CHN2: variants seen among roughly 807,000 people sequenced by gnomAD.
CHN2 encodes chimerin 2.
Under a neutral mutation model 56.3 loss-of-function variants are expected in CHN2, and 35 were observed. That is an observed-to-expected ratio of 0.62 (90% confidence interval 0.47 to 0.82). CHN2 has a LOEUF of 0.82. Ranked by LOEUF, CHN2 falls within the 40% of genes least tolerant of loss-of-function variation. CHN2 has a pLI of 0.00. For synonymous variants in CHN2, 210 were observed against 212.8 expected, an observed-to-expected ratio of 0.99 and a Z score of 0.12; for missense variants, 491 against 580.5, an observed-to-expected ratio of 0.85 and a Z score of 1.58.
chr7:29,248,793 T>A (rs1174999603), intron 1 of CHN2, among the ~76,000 whole-genome samples: 1 of 152,146 alleles, frequency 6.6e-6, no homozygotes, highest in Non-Finnish European at 1.5e-5. Context: ...CACCAGTAAG[T>A]TGGGTGCTGG....
chr7:29,346,353 CA>C (rs1200039189), intron 1 of CHN2, among the ~76,000 whole-genome samples: 2 of 152,210 alleles, frequency 1.3e-5, no homozygotes, highest in African/African-American at 4.8e-5. Context: ...ATTTGGATCC[CA>C]ACCCATTCTG....
intron 7 of CHN2, among the ~76,000 whole-genome samples, chr7:29,482,499 T>A (rs1252039502): frequency 6.6e-6 from 1 of 152,040 alleles, no homozygotes; most frequent in Admixed American, 6.5e-5. Flanking sequence ...AGGCTATAAA[T>A]ACAGTGGCAG....
At chr7:29,385,610 C>T (rs1800856355) in intron 3 of CHN2, among the ~76,000 whole-genome samples, 1 of 152,164 alleles carries the variant, frequency 6.6e-6, no homozygotes, top group Admixed American at 6.5e-5. Context: ...GTAGGTTTGA[C>T]CACGTGGCAC....
intron 6 of CHN2, among the ~76,000 whole-genome samples, chr7:29,469,012 C>T (rs761305835): frequency 2.6e-5 from 4 of 152,140 alleles, no homozygotes; most frequent in Admixed American, 6.5e-5. Context: ...TGTTCCTATA[C>T]CCAAAATGGA....
chr7:29,183,251 A>G (rs1798295358), intron 2 of CHN2, among the ~76,000 whole-genome samples: 1 of 151,808 alleles, frequency 6.6e-6, no homozygotes, highest in Non-Finnish European at 1.5e-5. Context: ...TGACTGGCTA[A>G]TTTTGTATTT....
intron 12 of CHN2, among the ~76,000 whole-genome samples, chr7:29,510,091 G>A (rs1038313065): frequency 3.3e-5 from 5 of 152,102 alleles, no homozygotes; most frequent in Non-Finnish European, 7.4e-5. Flanking sequence ...GAGACTGCCT[G>A]CCTCCTGGGA....
chr7:29,293,275 C>T lies in CHN2; in HGVS notation c.50-61350C>T, dbSNP rs571429787. Among the ~76,000 whole-genome samples, 7 of 151,998 alleles carry T rather than the reference C, an allele frequency of 4.6e-5. No individual in the cohort carries two copies. In the South Asian group the frequency reaches 1.0e-3, roughly 23 times the overall value. On this transcript the variant is annotated intron_variant, in intron 1 of 12. Transcript: ENST00000222792. Reference sequence around the variant, plus strand: ...CTGCTGACAATGGCCCCTTCTCCCTCCTGCATCCTCGATTTTCCCCTGAAT... The same window carrying T: ...CTGCTGACAATGGCCCCTTCTCCCTTCTGCATCCTCGATTTTCCCCTGAAT...
chr7:29,445,048 T>G, intron 6 of CHN2: 7 of 445,740 alleles, frequency 1.6e-5, no homozygotes, highest in South Asian at 1.1e-4. Context: ...TACGCAAAAT[T>G]CTCTCCCATT....
intron 1 of CHN2, among the ~76,000 whole-genome samples, chr7:29,297,151 A>G (rs1250471211): frequency 6.6e-6 from 1 of 152,246 alleles, no homozygotes; most frequent in African/African-American, 2.4e-5. Flanking sequence ...AGGGACCCTC[A>G]GCGGAGCAAG....
intron 2 of CHN2, among the ~76,000 whole-genome samples, chr7:29,174,450 C>T (rs981935825): frequency 3.3e-5 from 5 of 152,152 alleles, no homozygotes; most frequent in Non-Finnish European, 5.9e-5. Context: ...GGGACAGGAA[C>T]CTGTCCAGAC....
At chr7:29,213,028 G>A (rs144585044) in intron 1 of CHN2, 26,812 of 1,597,006 alleles carry the variant, frequency 0.017, 306 homozygotes, top group Middle Eastern at 0.02. Flanking sequence ...CTATAACTGT[G>A]GAGAGGAATC....
At chr7:29,245,293 A>G (rs1433451278) in intron 1 of CHN2, among the ~76,000 whole-genome samples, 2 of 152,178 alleles carry the variant, frequency 1.3e-5, no homozygotes, top group East Asian at 1.9e-4. Context: ...ACTCTCTTCA[A>G]TGTCTAATCA....
chr7:29,204,819 A>G (rs968305963), intron 1 of CHN2, among the ~76,000 whole-genome samples: 1 of 152,174 alleles, frequency 6.6e-6, no homozygotes, highest in Middle Eastern at 3.2e-3. Flanking sequence ...TTTTCGGAAT[A>G]TGAATTCTTC....
intron 2 of CHN2, among the ~76,000 whole-genome samples, chr7:29,169,110 T>A (rs1055839700): frequency 1.3e-5 from 2 of 152,166 alleles, no homozygotes; most frequent in Non-Finnish European, 2.9e-5. Context: ...AACATGGAAT[T>A]TTCCCCATTT....
intron 1 of CHN2, among the ~76,000 whole-genome samples, chr7:29,306,669 G>A (rs999826681): frequency 2.0e-5 from 3 of 152,218 alleles, no homozygotes; most frequent in African/African-American, 7.2e-5. Flanking sequence ...TGTGTTCAAG[G>A]TGATTTTTCA....
At chr7:29,292,189 TTC>T (rs1404309458) in intron 1 of CHN2, among the ~76,000 whole-genome samples, 1 of 152,208 alleles carries the variant, frequency 6.6e-6, no homozygotes, top group African/African-American at 2.4e-5. Flanking sequence ...CCCTTAATTC[TTC>T]TCTGTGTTGA....
At chr7:29,486,344 C>T (rs554154634) in intron 7 of CHN2, among the ~76,000 whole-genome samples, 36 of 152,308 alleles carry the variant, frequency 2.4e-4, no homozygotes, top group African/African-American at 5.8e-4. Flanking sequence ...CCCTCTTGTG[C>T]GGCTTGTGTG....
chr7:29,286,051 TGCCTTCCCAA>T (rs1361139971), intron 1 of CHN2, among the ~76,000 whole-genome samples: 2 of 152,174 alleles, frequency 1.3e-5, no homozygotes, highest in Non-Finnish European at 2.9e-5. Context: ...TCCATTTCTC[TGCCTTCCCAA>T]GCCAGGAGGT....
At chr7:29,156,827 G>GT (rs1611059) in intron 2 of CHN2, among the ~76,000 whole-genome samples, 138,026 of 152,268 alleles carry the variant, frequency 0.91, 62,790 homozygotes, top group East Asian at 1. Flanking sequence ...AAAACTGACA[G>GT]TGGATTATGC....
Sources: gnomAD v4.1 joint callset for allele counts (sites outside exome capture counted in the v4.1 genomes callset) on GRCh38, gnomAD v4.1.1 for gene constraint, MANE v1.5 for transcripts, NCBI Gene and HGNC (gene_info 2026-07-23, HGNC 2026-07-21) for gene names.